The following NNMT variants were observed in gnomAD, a reference collection of about 807,000 sequenced individuals.
NNMT encodes nicotinamide N-methyltransferase.
In NNMT, 10 loss-of-function variants were observed where a neutral mutation model predicts 11.7. The observed-to-expected ratio is 0.85, with a 90% CI of 0.53 to 1.45. The LOEUF is 1.45. NNMT is among the 40% of genes most tolerant of loss of function. The pLI, the probability that NNMT is intolerant of heterozygous loss-of-function variation, is 0.00. For synonymous variants in NNMT, 143 were observed against 133.8 expected, an observed-to-expected ratio of 1.07 and a Z score of -0.48; for missense variants, 381 against 319.4, an observed-to-expected ratio of 1.19 and a Z score of -1.47.
At chr11:114,283,888 A>T (rs1336254155) in intron 2 of NNMT, among the ~76,000 whole-genome samples, 1 of 152,230 alleles carries the variant, frequency 6.6e-6, no homozygotes, top group African/African-American at 2.4e-5. Flanking sequence ...TTACATAGGT[A>T]ATAAACAGAG....
chr11:114,265,061 C>A (rs1400258525), intron 2 of NNMT, among the ~76,000 whole-genome samples: 1 of 152,162 alleles, frequency 6.6e-6, no homozygotes, highest in Non-Finnish European at 1.5e-5. Context: ...CTGGATGTTG[C>A]AGGGTAGGGT....
chr11:114,304,533 T>C (rs769243796), intron 2 of NNMT, among the ~76,000 whole-genome samples: 1 of 152,266 alleles, frequency 6.6e-6, no homozygotes, highest in African/African-American at 2.4e-5. Context: ...GCAACTCATG[T>C]CTTTCCTGCA....
In NNMT at chr11:114,302,046, A is replaced by G. The variant is rs76020378; in HGVS notation, c.362+3888A>G. Among the ~76,000 whole-genome samples, 439 of 152,148 alleles carry G rather than the reference A, an allele frequency of 2.9e-3. 1 individual carries two copies. Among genetic ancestry groups the G allele is most frequent in the African/African-American group, 0.01 (423 of 41,520 alleles). ...TAACTAATATACATGATATATCTAC[A>G]TATCTTTTTCTACCCTTCTGTTTTC... is the stretch of plus-strand genomic sequence containing the variant. On this transcript the variant is annotated intron_variant, in intron 2 of 2. Transcript: ENST00000299964.
chr11:114,306,776 G>A (rs1372918102), intron 2 of NNMT, among the ~76,000 whole-genome samples: 1 of 152,110 alleles, frequency 6.6e-6, no homozygotes, highest in Non-Finnish European at 1.5e-5. Flanking sequence ...TTGAAGTCAG[G>A]TAGTGTGCTC....
chr11:114,262,892 G>A lies in NNMT; in HGVS notation c.-172G>A, dbSNP rs534640373. ...TGAGCTTCTAGTGACACGAGCTGGA[G>A]GGAAAGAGGAAGTGCATCAGGACGG... On this transcript the variant is annotated 5_prime_UTR_variant, in exon 2 of 5. Transcript: ENST00000535401. 7.2e-5 allele frequency: 11 copies of A among 152,392 alleles called. No homozygotes were observed. The South Asian group carries it at 2.3e-3, about 32-fold the overall frequency. The allele number at this position is 152,392 out of a possible 1,614,324, so 9.4% of individuals were successfully genotyped here.
chr11:114,312,981 G>A lies in NNMT; in HGVS notation c.*504G>A. 1 of 153,120 alleles carries A rather than the reference G, an allele frequency of 6.5e-6. No homozygotes were observed. The highest frequency in any genetic ancestry group is 1.9e-4 in the East Asian group (1 of 5,208). 9.5% of individuals were successfully genotyped at this position (153,120 alleles called of 1,614,324 possible). ...TGCTAGACTCCACTCTGGCCTCAGG[G>A]GCCAGAGAACAGCTGTCCAGCATTT... On this transcript the variant is annotated 3_prime_UTR_variant, in exon 3 of 3. Transcript: ENST00000299964.
chr11:114,305,290 C>T (rs1305413246), intron 2 of NNMT, among the ~76,000 whole-genome samples: 3 of 151,506 alleles, frequency 2.0e-5, no homozygotes, highest in African/African-American at 7.3e-5. Flanking sequence ...CTCTTGACAG[C>T]AGGTGGGGCA....
chr11:114,311,995 T>C, intron 2 of NNMT, 50 bp from the exon 3 acceptor site: 2 of 1,516,894 alleles, frequency 1.3e-6, no homozygotes, highest in Non-Finnish European at 1.8e-6. Context: ...GAGATCTGGG[T>C]TCCCCATGAC....
intron 2 of NNMT, among the ~76,000 whole-genome samples, chr11:114,305,382 G>A (rs1262962037): frequency 6.6e-6 from 1 of 151,676 alleles, no homozygotes; most frequent in Non-Finnish European, 1.5e-5. Flanking sequence ...AAGTTCTAGG[G>A]TACATGTGCA....
intron 2 of NNMT, among the ~76,000 whole-genome samples, chr11:114,311,238 G>C (rs1284299058): frequency 1.3e-5 from 2 of 152,220 alleles, no homozygotes; most frequent in East Asian, 1.9e-4. Context: ...CTGAGGTGGG[G>C]AGGATCCCTT....
At chr11:114,284,703 A>C (rs148244380) in intron 2 of NNMT, among the ~76,000 whole-genome samples, 2,794 of 145,862 alleles carry the variant, frequency 0.019, 67 homozygotes, top group African/African-American at 0.062. Flanking sequence ...ACCTTGTGAT[A>C]TGCCCACCTT....
intron 1 of NNMT, among the ~76,000 whole-genome samples, chr11:114,262,392 T>C (rs1945090349): frequency 1.3e-5 from 2 of 152,044 alleles, no homozygotes; most frequent in Non-Finnish European, 2.9e-5. Flanking sequence ...TGTGTGTTGT[T>C]CCCCTCCACG....
chr11:114,312,072 G>C lies in NNMT; in HGVS notation c.390G>C (p.Lys130Asn), dbSNP rs1426123572. 1 of 1,588,892 alleles carries C rather than the reference G, an allele frequency of 6.3e-7. No individual in the cohort carries two copies. The highest frequency in any genetic ancestry group is 8.6e-7 in the Non-Finnish European group (1 of 1,163,990). Residue 130 changes from lysine (K) to asparagine (N), a missense_variant, in exon 3 of 3, where the codon AAG becomes AAC. Physicochemically the swap from Lys to Asn is moderately conservative, Grantham distance 94 (BLOSUM62 0). Coordinates refer to ENST00000299964, the MANE Select transcript of NNMT (RefSeq NM_006169.3). ...TCAAGGGTCCAGAGAAGGAGGAGAA[G>C]TTGAGACAGGCGGTCAAGCAGGTGC... The part of the protein sequence containing the change: ...NRVKGPEKEE[K>N]LRQAVKQVLK...
chr11:114,268,728 C>T (rs1010982178), intron 2 of NNMT, among the ~76,000 whole-genome samples: 2 of 144,190 alleles, frequency 1.4e-5, no homozygotes, highest in African/African-American at 2.6e-5. Context: ...GAGATCGCAC[C>T]ACTGCACTCC....
At chr11:114,274,564 T>C (rs958389552) in intron 2 of NNMT, among the ~76,000 whole-genome samples, 1 of 152,182 alleles carries the variant, frequency 6.6e-6, no homozygotes, top group Non-Finnish European at 1.5e-5. Flanking sequence ...GAACTAAGAA[T>C]TTTCTGTGGG....
rs142397660 is a variant in NNMT, at chr11:114,312,239, T to A, written c.557T>A (p.Leu186Gln). The change falls in exon 3 of 3, where the codon CTA (leucine) becomes CAA (glutamine). Residue 186 changes from leucine to glutamine, a missense_variant. Transcript: ENST00000299964. ...AGGGCGCTCAGGAACCTCGGCAGCC[T>A]ACTGAAGCCAGGGGGCTTCCTGGTG... ...YCRALRNLGS[L>Q]LKPGGFLVIM... The A allele has an allele frequency of 6.2e-7, 1 of 1,614,200 alleles. No individual in the cohort carries two copies. Among genetic ancestry groups the A allele is most frequent in the East Asian group, 2.2e-5 (1 of 44,876 alleles).
chr11:114,258,660 C>G (rs1293432311), intron 1 of NNMT, among the ~76,000 whole-genome samples: 1 of 152,196 alleles, frequency 6.6e-6, no homozygotes, highest in Non-Finnish European at 1.5e-5. Context: ...TCATGTCGCT[C>G]CCTAGATGAG....
chr11:114,269,987 A>G (rs934160464), intron 2 of NNMT, among the ~76,000 whole-genome samples: 1 of 152,118 alleles, frequency 6.6e-6, no homozygotes, highest in South Asian at 2.1e-4. Context: ...AAAAAATTCT[A>G]GAGAATTTTC....
intron 1 of NNMT, among the ~76,000 whole-genome samples, chr11:114,260,067 A>G (rs1235927217): frequency 6.6e-6 from 1 of 152,172 alleles, no homozygotes; most frequent in Non-Finnish European, 1.5e-5. Flanking sequence ...GAGTGGGAAC[A>G]TACAACACAC....
Sources: allele counts gnomAD v4.1 joint callset (sites outside exome capture counted in the v4.1 genomes callset), GRCh38; gene constraint gnomAD v4.1.1; transcripts MANE v1.5; gene names NCBI Gene and HGNC (gene_info 2026-07-23, HGNC 2026-07-21).